DLG2: variants seen among roughly 807,000 people sequenced by gnomAD.
DLG2 encodes the protein discs large MAGUK scaffold protein 2.
Under a neutral mutation model 132.5 loss-of-function variants are expected in DLG2, and 45 were observed. The ratio of observed to expected loss-of-function variants is 0.34; its 90% CI spans 0.27 to 0.44. The LOEUF (loss-of-function observed/expected upper bound fraction) is 0.44, where lower values mean the gene tolerates loss of function less well. DLG2 is among the 20% of genes least tolerant of loss of function. The pLI, the probability that DLG2 is intolerant of heterozygous loss-of-function variation, is 1.00. For synonymous variants in DLG2, 424 were observed against 419.6 expected (o/e 1.01, Z -0.13); for missense variants, 1,045 against 1,196.9 (o/e 0.87, Z 1.87).
chr11:84,465,626 A>G (rs2099092235), intron 7 of DLG2, among the ~76,000 whole-genome samples: 1 of 151,342 alleles, frequency 6.6e-6, no homozygotes, highest in African/African-American at 2.4e-5. Context: ...TTGGAATTAT[A>G]GTACATAGGA....
Position 84,534,640 on chromosome 11 carries a change from G to A in DLG2, c.449C>T (p.Ser150Leu). The change falls in exon 7 of 28, where the codon TCA becomes TTA. Residue 150 changes from serine to leucine, a missense_variant. By Grantham distance (145) the Ser-to-Leu change is moderately radical. Coordinates refer to ENST00000376104, the MANE Select transcript of DLG2 (RefSeq NM_001142699.3). Reference sequence around the variant, plus strand: ...TTCTATTTGAGAGAGGTTCTTTTCTGATACATGCACGAGTTCTGGGCCTCT... The same window carrying A: ...TTCTATTTGAGAGAGGTTCTTTTCTAATACATGCACGAGTTCTGGGCCTCT... ...EVRGPELVHV[S>L]EKNLSQIENV... The A allele has an allele frequency of 6.2e-7, 1 of 1,614,054 alleles. No homozygotes were observed. The highest frequency in any genetic ancestry group is 8.5e-7 in the Non-Finnish European group (1 of 1,179,952).
intron 15 of DLG2, among the ~76,000 whole-genome samples, chr11:83,914,580 C>T (rs1191669529): frequency 6.6e-6 from 1 of 152,198 alleles, no homozygotes; most frequent in African/African-American, 2.4e-5. Context: ...ACTCATTAAC[C>T]CTCATTATTA....
At chr11:83,886,975 A>C (rs1042996397) in intron 15 of DLG2, among the ~76,000 whole-genome samples, 3 of 151,980 alleles carry the variant, frequency 2.0e-5, no homozygotes, top group East Asian at 3.8e-4. Flanking sequence ...TTATAGCACT[A>C]AATGCCCACA....
At chr11:83,455,166 A>G (rs1424052999), downstream of DLG2, 3 of 152,682 alleles carry the variant, frequency 2.0e-5, no homozygotes, top group Non-Finnish European at 4.4e-5. Context: ...AGTATGAAAT[A>G]TACATCTTGA....
chr11:84,084,858 T>A (rs547321979), intron 10 of DLG2, among the ~76,000 whole-genome samples: 73 of 152,326 alleles, frequency 4.8e-4, no homozygotes, highest in African/African-American at 1.8e-3. Flanking sequence ...GCCCCCTTAC[T>A]CTTGATGTTT....
chr11:84,911,791 C>A (rs912512068), intron 6 of DLG2, among the ~76,000 whole-genome samples: 2 of 152,276 alleles, frequency 1.3e-5, no homozygotes, highest in Middle Eastern at 3.4e-3. Flanking sequence ...GGATTAGTGA[C>A]CTCTATGCAC....
chr11:84,358,211 C>G (rs562201114), intron 7 of DLG2, among the ~76,000 whole-genome samples: 2 of 152,044 alleles, frequency 1.3e-5, no homozygotes, highest in Admixed American at 1.3e-4. Context: ...ATGTCCTTTG[C>G]AGTGGCCTTG....
chr11:85,140,899 C>G (rs970187978), intron 5 of DLG2, among the ~76,000 whole-genome samples: 1 of 151,864 alleles, frequency 6.6e-6, no homozygotes, highest in African/African-American at 2.4e-5. Context: ...CATGTTGTTG[C>G]AAATGATAGG....
chr11:83,835,016 A>T (rs967350905), intron 16 of DLG2, among the ~76,000 whole-genome samples: 2 of 152,228 alleles, frequency 1.3e-5, no homozygotes, highest in Admixed American at 6.5e-5. Context: ...TCACATTTCC[A>T]TGCATAAAAT....
rs529981102 is a variant in DLG2, at chr11:85,571,744, A to G, written c.40+26913T>C. Among the ~76,000 whole-genome samples, 23 of 152,308 alleles carry G rather than the reference A, an allele frequency of 1.5e-4. 1 individual carries two copies. The South Asian group carries it at 4.8e-3, about 32-fold the overall frequency. On this transcript the variant is annotated intron_variant, in intron 3 of 27. Coordinates refer to ENST00000376104, the MANE Select transcript of DLG2 (RefSeq NM_001142699.3). ...AAGAATTTTAGTTAGTCTTTTGCTC[A>G]CCTGAAGTGTTATCTATTGCATCCA... is the stretch of plus-strand genomic sequence containing the variant.
At chr11:84,362,599 G>A (rs929880093) in intron 7 of DLG2, among the ~76,000 whole-genome samples, 2 of 151,616 alleles carry the variant, frequency 1.3e-5, no homozygotes, top group East Asian at 1.9e-4. Flanking sequence ...ATGCTGGTGC[G>A]CTGCACCCAC....
intron 26 of DLG2, among the ~76,000 whole-genome samples, chr11:83,466,043 G>A (rs960627588): frequency 6.6e-6 from 1 of 151,986 alleles, no homozygotes; most frequent in South Asian, 2.1e-4. Flanking sequence ...GTCCTTTGGA[G>A]GGGAAAAAAA....
chr11:84,952,350 T>C (rs2051047080), intron 6 of DLG2, among the ~76,000 whole-genome samples: 1 of 152,106 alleles, frequency 6.6e-6, no homozygotes, highest in Non-Finnish European at 1.5e-5. Context: ...ACCCCGTCTC[T>C]ACTAAAAATA....
At chr11:84,570,883 A>T (rs776735242) in intron 6 of DLG2, among the ~76,000 whole-genome samples, 4 of 152,158 alleles carry the variant, frequency 2.6e-5, no homozygotes, top group Non-Finnish European at 5.9e-5. Context: ...ATTTCTGCCA[A>T]TTTCTTCAGA....
intron 4 of DLG2, among the ~76,000 whole-genome samples, chr11:85,225,551 C>T (rs1188617999): frequency 6.6e-6 from 1 of 152,036 alleles, no homozygotes. Flanking sequence ...TGCTTCTGGT[C>T]CCAGTTTCTT....
intron 18 of DLG2, among the ~76,000 whole-genome samples, chr11:83,774,944 G>A (rs551819271): frequency 6.6e-6 from 1 of 152,128 alleles, no homozygotes; most frequent in South Asian, 2.1e-4. Context: ...CTTTATGACA[G>A]CTTGGGGCCA....
intron 6 of DLG2, among the ~76,000 whole-genome samples, chr11:84,576,646 G>A (rs935401813): frequency 2.0e-5 from 3 of 151,620 alleles, no homozygotes; most frequent in Admixed American, 1.3e-4. Context: ...ATGAGAGAAG[G>A]CATAAACTCT....
intron 11 of DLG2, among the ~76,000 whole-genome samples, chr11:84,000,972 C>T (rs1586145): frequency 0.98 from 149,598 of 152,160 alleles, 73,545 homozygotes; most frequent in East Asian, 1. Flanking sequence ...ACTCAAATAG[C>T]ATCATGACAG....
chr11:84,883,941 T>C (rs72951420), intron 6 of DLG2, among the ~76,000 whole-genome samples: 11,611 of 152,114 alleles, frequency 0.076, 635 homozygotes, highest in Middle Eastern at 0.19. Flanking sequence ...AACAGAAACA[T>C]GGGTCCCATG....
Sources: allele counts gnomAD v4.1 joint callset (sites outside exome capture counted in the v4.1 genomes callset), GRCh38; gene constraint gnomAD v4.1.1; transcripts MANE v1.5; gene names NCBI Gene and HGNC (gene_info 2026-07-23, HGNC 2026-07-21).